Variants in STRN4 observed in about 807,000 individuals in gnomAD.
The protein encoded by STRN4 is striatin-4.
STRN4 carries 27 observed loss-of-function variants against 77.9 expected under a neutral mutation model. The ratio of observed to expected loss-of-function variants is 0.35; its 90% CI spans 0.26 to 0.48. The LOEUF (loss-of-function observed/expected upper bound fraction) is 0.48, where lower values mean the gene tolerates loss of function less well. STRN4 is among the 20% of genes least tolerant of loss of function. STRN4 has a pLI of 0.99. For missense variants in STRN4, 798 were observed against 1,049.7 expected (o/e 0.76, Z 3.31); for synonymous variants, 466 against 443.1 (o/e 1.05, Z -0.65).
At position 46,738,932 on chromosome 19, in the gene STRN4, G is replaced by A; in HGVS notation, c.283-44C>T. The A allele has an allele frequency of 6.5e-7, 1 of 1,542,782 alleles. No homozygotes were observed. The highest frequency in any genetic ancestry group is 1.7e-5 in the Admixed American group (1 of 59,920). Reference sequence around the variant, plus strand: ...GGCAAAGGGAGATAATGGGGCTCAGGCTCAATGCCGGTGTGTCTATCACTC... The same window carrying A: ...GGCAAAGGGAGATAATGGGGCTCAGACTCAATGCCGGTGTGTCTATCACTC... On this transcript the variant is annotated intron_variant, in intron 1 of 17. Coordinates refer to ENST00000263280, the MANE Select transcript of STRN4 (RefSeq NM_013403.3). The surrounding 1 kb of genome is among the most constrained non-coding windows in gnomAD (Gnocchi z 4.5).
intron 4 of STRN4, 49 bp downstream of exon 4, chr19:46,736,774 A>C: frequency 6.3e-7 from 1 of 1,586,792 alleles, no homozygotes; most frequent in Non-Finnish European, 8.6e-7. Flanking sequence ...CTTATCTCTC[A>C]AGCCAAACGT....
intron 4 of STRN4, 114 bp downstream of exon 4, chr19:46,736,709 T>A (rs1599887165): frequency 8.8e-7 from 1 of 1,132,810 alleles, no homozygotes; most frequent in Non-Finnish European, 1.3e-6. Flanking sequence ...CTGGCTAAGA[T>A]CCTGATAGTT....
chr19:46,730,677 C>T, intron 6 of STRN4, 55 bp downstream of exon 6: 1 of 1,594,746 alleles, frequency 6.3e-7, no homozygotes, highest in Non-Finnish European at 8.5e-7. Flanking sequence ...CTCGGAAGGG[C>T]TTCGATCAGG....
Position 46,728,018 on chromosome 19 carries a change from G to A in STRN4, c.1040-11C>T, listed in dbSNP as rs752757987. The stretch of plus-strand genomic sequence containing the variant: ...TGACCCGACGGCTTTCTGCAGGGTC[G>A]AGGCATAGGGCCGGAGTCACCCAGC... On this transcript the variant is annotated splice_polypyrimidine_tract_variant and intron_variant, in intron 7 of 17. Coordinates refer to ENST00000263280, the MANE Select transcript of STRN4 (RefSeq NM_013403.3). 12 of 1,611,828 alleles carry A rather than the reference G, an allele frequency of 7.4e-6. No homozygotes were observed. Among genetic ancestry groups the A allele is most frequent in the African/African-American group, 1.3e-5 (1 of 74,920 alleles).
rs2054423980 is a variant in STRN4, at chr19:46,738,943, G to A, written c.283-55C>T. The A allele has an allele frequency of 6.7e-7, 1 of 1,490,068 alleles. No individual in the cohort carries two copies. Among genetic ancestry groups the A allele is most frequent in the Admixed American group, 1.7e-5 (1 of 59,758 alleles). 92.3% of individuals were successfully genotyped at this position (1,490,068 alleles called of 1,614,324 possible). A position where few individuals can be genotyped will look rare whatever the true frequency, so the allele number is the denominator to read the frequency against. On this transcript the variant is annotated intron_variant, in intron 1 of 17. Transcript: ENST00000263280. The surrounding 1 kb of genome is among the most constrained non-coding windows in gnomAD (Gnocchi z 4.5). ...ATAATGGGGCTCAGGCTCAATGCCG[G>A]TGTGTCTATCACTCACCCAGGTATA...
intron 16 of STRN4, chr19:46,721,652 G>A (rs75307160): frequency 5.5e-4 from 143 of 260,670 alleles, no homozygotes; most frequent in African/African-American, 2.8e-3. Flanking sequence ...GAAGTCCCAC[G>A]GGTACCCCCA....
At chr19:46,725,932 G>T in intron 9 of STRN4, 1 of 450,924 alleles carries the variant, frequency 2.2e-6, no homozygotes, top group Admixed American at 3.6e-5. Context: ...GGACACAACT[G>T]GACCATCCCA....
Position 46,733,031 on chromosome 19 carries a change from G to T in STRN4, c.737+8C>A. 1 of 1,603,312 alleles carries T rather than the reference G, an allele frequency of 6.2e-7. No individual in the cohort carries two copies. Reference sequence around the variant, plus strand: ...AGAGAGACACACCTGCCATGTCCACGGGCTCACCTCTTTATCTGCTCCTCG... The same window carrying T: ...AGAGAGACACACCTGCCATGTCCACTGGCTCACCTCTTTATCTGCTCCTCG... On this transcript the variant is annotated splice_region_variant and intron_variant, in intron 5 of 17. Transcript: ENST00000263280. This position sits in a 1 kb window ranked among gnomAD's most constrained non-coding sequence, Gnocchi z 4.3.
chr19:46,725,216 C>T, intron 11 of STRN4, 116 bp downstream of exon 11: 2 of 1,434,890 alleles, frequency 1.4e-6, no homozygotes, highest in Non-Finnish European at 1.9e-6. Context: ...GGCGGGGACT[C>T]AGAGCCCCCT....
At position 46,722,906 on chromosome 19, in the gene STRN4, C is replaced by A; in HGVS notation, c.1810G>T (p.Ala604Ser). 6.2e-7 allele frequency: 1 copy of A among 1,614,008 alleles called. No homozygotes were observed. Among genetic ancestry groups the A allele is most frequent in the Non-Finnish European group, 8.5e-7 (1 of 1,180,032 alleles). Residue 604 changes from alanine to serine, a missense_variant, in exon 14 of 18, where the codon GCC (alanine) becomes TCC (serine). Coordinates refer to ENST00000263280, the MANE Select transcript of STRN4 (RefSeq NM_013403.3). ...GAGCGGAAGGAGGCCACGATGTGGG[C>A]AGGCTCGGTGCTGGTGAAGGCCACT... is the stretch of plus-strand genomic sequence containing the variant. The part of the protein sequence containing the change: ...TSVAFTSTEP[A>S]HIVASFRSGD...
At chr19:46,744,109 A>G (rs932362113) in intron 1 of STRN4, among the ~76,000 whole-genome samples, 5 of 152,084 alleles carry the variant, frequency 3.3e-5, no homozygotes, top group African/African-American at 9.7e-5. Flanking sequence ...TCGTATCTAC[A>G]GTACTTGATA....
At chr19:46,742,723 C>T (rs1211340338) in intron 1 of STRN4, among the ~76,000 whole-genome samples, 4 of 152,060 alleles carry the variant, frequency 2.6e-5, no homozygotes, top group South Asian at 2.1e-4. Context: ...CCACCACGCC[C>T]GACTAATTTC....
intron 3 of STRN4, among the ~76,000 whole-genome samples, chr19:46,737,710 A>C (rs1002739313): frequency 6.6e-6 from 1 of 152,202 alleles, no homozygotes; most frequent in Non-Finnish European, 1.5e-5. Context: ...CAGAGGGTAG[A>C]GACCATGTCT....
At position 46,721,976 on chromosome 19, in the gene STRN4, C is replaced by T; in HGVS notation, c.2092+10G>A. 1 of 1,613,552 alleles carries T rather than the reference C, an allele frequency of 6.2e-7. No individual in the cohort carries two copies. The highest frequency in any genetic ancestry group is 8.5e-7 in the Non-Finnish European group (1 of 1,179,942). On this transcript the variant is annotated intron_variant, in intron 16 of 17. Transcript: ENST00000263280. ...CCCCAACCCTGGTGGGACTAGTGTG[C>T]TCAACTTACTTCCTGACATCAGGAA...
At chr19:46,731,135 C>T (rs2054241677) in intron 5 of STRN4, among the ~76,000 whole-genome samples, 3 of 152,200 alleles carry the variant, frequency 2.0e-5, no homozygotes, top group African/African-American at 7.2e-5. Context: ...AGAGGGCCAG[C>T]CCCCAACCCT....
In STRN4 at chr19:46,746,104, G is replaced by A. The variant is rs755990039; in HGVS notation, c.282+45C>T. 32 of 1,421,156 alleles carry A rather than the reference G, an allele frequency of 2.3e-5. No homozygotes were observed. The Admixed American group carries it at 8.4e-4, about 37-fold the overall frequency. 88.0% of individuals were successfully genotyped at this position (1,421,156 alleles called of 1,614,324 possible). Reference sequence around the variant, plus strand: ...CGGCGGCAGCGGGTGAGGCCGGGCCGGGCCGGGCCGGGTTGGGGGTCGGGG... The same window carrying A: ...CGGCGGCAGCGGGTGAGGCCGGGCCAGGCCGGGCCGGGTTGGGGGTCGGGG... On this transcript the variant is annotated intron_variant, in intron 1 of 17. Coordinates refer to ENST00000263280, the MANE Select transcript of STRN4 (RefSeq NM_013403.3).
rs1426713005 is a variant in STRN4 at position 46,727,923 on chromosome 19, G to A, written c.1124C>T (p.Pro375Leu). The change falls in exon 8 of 18, where the codon CCT (proline) becomes CTT (leucine). Residue 375 changes from proline to leucine, a missense_variant. This residue lies in a region of STRN4 where 511 missense variants were observed against 575.9 expected (regional missense o/e 0.89). Coordinates refer to ENST00000263280, the MANE Select transcript of STRN4 (RefSeq NM_013403.3). ...ATGTGGCCGGGGCTGGGGTGTGCCAGGAGGCGGGCCAGTCACTTTTGGGGG... is the reference window on the plus strand; with the variant it reads ...ATGTGGCCGGGGCTGGGGTGTGCCAAGAGGCGGGCCAGTCACTTTTGGGGG... Reference protein sequence around the residue: ...GLPPKVTGPPPGTPQPRPHED... With the variant: ...GLPPKVTGPPLGTPQPRPHED... The A allele has an allele frequency of 2.5e-6, 4 of 1,612,198 alleles. No individual in the cohort carries two copies. Among genetic ancestry groups the A allele is most frequent in the Non-Finnish European group, 3.4e-6 (4 of 1,179,012 alleles).
rs2054294393 is a variant in STRN4, at chr19:46,733,335, T to G, written c.540-99A>C. 1 of 1,200,938 alleles carries G rather than the reference T, an allele frequency of 8.3e-7. No homozygotes were observed. Among genetic ancestry groups the G allele is most frequent in the Admixed American group, 2.2e-5 (1 of 44,958 alleles). 74.4% of individuals were successfully genotyped at this position (1,200,938 alleles called of 1,614,324 possible). On this transcript the variant is annotated intron_variant, in intron 4 of 17. Coordinates refer to ENST00000263280, the MANE Select transcript of STRN4 (RefSeq NM_013403.3). The surrounding 1 kb of genome is among the most constrained non-coding windows in gnomAD (Gnocchi z 4.3). Reference sequence around the variant, plus strand: ...CGAGACAACCTCTTAAGGGGCCACTTAAGAGCATACACCAAAATCTGACAT... The same window carrying G: ...CGAGACAACCTCTTAAGGGGCCACTGAAGAGCATACACCAAAATCTGACAT...
chr19:46,732,653 C>T (rs2054279098), intron 5 of STRN4: 1 of 208,130 alleles, frequency 4.8e-6, no homozygotes, highest in South Asian at 7.5e-5. Context: ...ACTTGTTCTG[C>T]TTAACTGACA....
Sources: allele counts gnomAD v4.1 joint callset (sites outside exome capture counted in the v4.1 genomes callset), GRCh38; gene constraint gnomAD v4.1.1; regional missense constraint gnomAD v4.1.1; non-coding constraint Gnocchi (gnomAD v3.1); transcripts MANE v1.5; gene names NCBI Gene and HGNC (gene_info 2026-07-23, HGNC 2026-07-21).